The following CACNA2D4 variants were observed in gnomAD, a reference collection of about 807,000 sequenced individuals.
CACNA2D4 encodes voltage-dependent calcium channel subunit alpha-2/delta-4.
Under a neutral mutation model 163.8 loss-of-function variants are expected in CACNA2D4, and 157 were observed. The observed-to-expected ratio is 0.96, with a 90% CI of 0.84 to 1.09. The LOEUF is 1.09. Among genes scored for constraint, CACNA2D4 ranks in the 50% least tolerant of loss-of-function variants. The probability of loss-of-function intolerance (pLI) is 0.00; values close to 1 mark genes in which losing one functional copy is unlikely to be tolerated. For missense variants in CACNA2D4, 1,410 were observed against 1,479.9 expected, an observed-to-expected ratio of 0.95 and a Z score of 0.78; for synonymous variants, 598 against 586.9, an observed-to-expected ratio of 1.02 and a Z score of -0.27.
chr12:1,884,118 T>G lies in CACNA2D4; in HGVS notation c.1351+125A>C. 3 of 731,178 alleles carry G rather than the reference T, an allele frequency of 4.1e-6. No individual in the cohort carries two copies. The South Asian group carries it at 5.4e-5, about 13-fold the overall frequency. 45.3% of individuals were successfully genotyped at this position (731,178 alleles called of 1,614,324 possible). A position where few individuals can be genotyped will look rare whatever the true frequency, so the allele number is the denominator to read the frequency against. On this transcript the variant is annotated intron_variant, in intron 12 of 37. Transcript: ENST00000382722. The stretch of plus-strand genomic sequence containing the variant: ...GAAGGAGGGACTGAGGCTGCTGTTC[T>G]TGACATAGCACTGCTCCTCTTAGGG...
In CACNA2D4 at chr12:1,899,667, A is replaced by G. The variant is rs373292482; in HGVS notation, c.781+7773T>C. ...CTTCCCATAAGAAAACATCAGGCCT[A>G]TATGCTTTATAGATGAAATCTATCA... On this transcript the variant is annotated intron_variant, in intron 6 of 37. Transcript: ENST00000382722. Among the ~76,000 whole-genome samples the G allele has an allele frequency of 2.9e-4, 44 of 152,296 alleles. No individual in the cohort carries two copies. The South Asian group carries it at 8.9e-3, about 31-fold the overall frequency.
rs1383440996 is a variant in CACNA2D4, at chr12:1,811,852, A to C, written c.2552-129T>G. 4 of 807,132 alleles carry C rather than the reference A, an allele frequency of 5.0e-6. No homozygotes were observed. In the African/African-American group the frequency reaches 5.2e-5, roughly 11 times the overall value. The allele number at this position is 807,132 out of a possible 1,614,324, so 50.0% of individuals were successfully genotyped here. On this transcript the variant is annotated intron_variant, in intron 26 of 37. Transcript: ENST00000382722. ...GAGACCGCAGCGGATGGGAGGACTGAGTCAGAGGGCAGAGTGCAAACTGGG... is the reference window on the plus strand; with the variant it reads ...GAGACCGCAGCGGATGGGAGGACTGCGTCAGAGGGCAGAGTGCAAACTGGG...
intron 32 of CACNA2D4, 126 bp downstream of exon 32, chr12:1,800,260 C>T: frequency 2.7e-6 from 3 of 1,111,652 alleles, no homozygotes; most frequent in Non-Finnish European, 4.0e-6. Context: ...GGATTGTGCC[C>T]TCCTTCCCCG....
intron 2 of CACNA2D4, among the ~76,000 whole-genome samples, chr12:1,914,366 C>T (rs924089924): frequency 1.3e-5 from 2 of 152,156 alleles, no homozygotes; most frequent in African/African-American, 4.8e-5. Context: ...GAAAGCAATG[C>T]ATATTAAGGG....
chr12:1,858,313 C>T (rs1005389539), intron 20 of CACNA2D4, among the ~76,000 whole-genome samples: 3 of 152,220 alleles, frequency 2.0e-5, no homozygotes, highest in African/African-American at 7.2e-5. Context: ...TCTAGTCCAG[C>T]AAGGCCTCCC....
chr12:1,887,356 G>A (rs2154449873), intron 6 of CACNA2D4, among the ~76,000 whole-genome samples: 1 of 152,348 alleles, frequency 6.6e-6, no homozygotes, highest in Middle Eastern at 3.4e-3. Context: ...ATCAAATAGT[G>A]GAGGGGGAAG....
intron 31 of CACNA2D4, 198 bp downstream of exon 31, chr12:1,800,845 C>T (rs1042944459): frequency 1.7e-6 from 1 of 605,770 alleles, no homozygotes. Context: ...CCCTCTGAAG[C>T]CCCAAAGCCA....
chr12:1,837,967 C>T (rs139269038), intron 26 of CACNA2D4, among the ~76,000 whole-genome samples: 29 of 152,306 alleles, frequency 1.9e-4, no homozygotes, highest in South Asian at 6.2e-4. Context: ...CAGCCCTGGC[C>T]GGCAGGAAGG....
chr12:1,814,344 A>G (rs1031245271), intron 26 of CACNA2D4, among the ~76,000 whole-genome samples: 1 of 152,190 alleles, frequency 6.6e-6, no homozygotes, highest in Non-Finnish European at 1.5e-5. Context: ...GTTCCATTCC[A>G]GGCTCCTCCA....
rs1445621310 is a variant in CACNA2D4 at position 1,886,232 on chromosome 12, A to G, written c.984T>C (p.Asn328=). The change falls in exon 8 of 38, where the codon AAT becomes AAC. Residue 328 remains asparagine, a synonymous_variant. Coordinates refer to ENST00000382722, the MANE Select transcript of CACNA2D4 (RefSeq NM_172364.5). ...LDTLGENDFI[N]IIAYNDYVHY... Reference sequence around the variant, plus strand: ...AGGAAGGCACATTTACCGCTATGATATTAATGAAGTCATTCTCCCCCAGGG... The same window carrying G: ...AGGAAGGCACATTTACCGCTATGATGTTAATGAAGTCATTCTCCCCCAGGG... 6.2e-7 allele frequency: 1 copy of G among 1,612,986 alleles called. No individual in the cohort carries two copies. The highest frequency in any genetic ancestry group is 1.7e-5 in the Admixed American group (1 of 60,018).
chr12:1,831,009 C>CGCA, intron 26 of CACNA2D4: 1 of 1,614,022 alleles, frequency 6.2e-7, no homozygotes, highest in Non-Finnish European at 8.5e-7. Flanking sequence ...GTGTGACAGC[C>CGCA]GCAGCCTGGA....
intron 6 of CACNA2D4, among the ~76,000 whole-genome samples, chr12:1,888,685 A>C (rs894014282): frequency 5.3e-5 from 8 of 152,244 alleles, no homozygotes; most frequent in African/African-American, 1.9e-4. Context: ...ATGGGTAAAA[A>C]GAAAATGCAT....
chr12:1,853,132 A>G (rs1865321594), intron 23 of CACNA2D4, among the ~76,000 whole-genome samples: 1 of 152,204 alleles, frequency 6.6e-6, no homozygotes, highest in Admixed American at 6.5e-5. Context: ...TTCCAACCAG[A>G]AACAGCTAAT....
Position 1,834,491 on chromosome 12 carries a change from C to T in CACNA2D4, c.2551+6248G>A. On this transcript the variant is annotated intron_variant, in intron 26 of 37. Transcript: ENST00000382722. This position sits in a 1 kb window ranked among gnomAD's most constrained non-coding sequence, Gnocchi z 7.6. ...GCCGGAGCCCAGCACAGCCTGCCCA[C>T]AGAAGCAGAGGCACCGGCCGGCGAG... is the stretch of plus-strand genomic sequence containing the variant. 6.2e-7 allele frequency: 1 copy of T among 1,609,508 alleles called. No individual in the cohort carries two copies. The highest frequency in any genetic ancestry group is 8.5e-7 in the Non-Finnish European group (1 of 1,179,880).
chr12:1,874,548 C>T lies in CACNA2D4; in HGVS notation c.1878+56G>A, dbSNP rs1036781764. The T allele has an allele frequency of 1.6e-6, 2 of 1,256,928 alleles. No homozygotes were observed. Among genetic ancestry groups the T allele is most frequent in the Admixed American group, 3.4e-5 (2 of 58,810 alleles). The allele number at this position is 1,256,928 out of a possible 1,614,324, so 77.9% of individuals were successfully genotyped here. A position where few individuals can be genotyped will look rare whatever the true frequency, so the allele number is the denominator to read the frequency against. On this transcript the variant is annotated intron_variant, in intron 18 of 37. Transcript: ENST00000382722. The surrounding 1 kb of genome is among the most constrained non-coding windows in gnomAD (Gnocchi z 4.4). The stretch of plus-strand genomic sequence containing the variant: ...CCAGGTCCCTCGTCACTACTCCAAA[C>T]CCAATTAATGAAGATGCCTTCCTAG...
intron 2 of CACNA2D4, 95 bp downstream of exon 2, chr12:1,914,759 G>T: frequency 2.5e-6 from 2 of 789,586 alleles, no homozygotes; most frequent in South Asian, 1.5e-5. Flanking sequence ...GATTTGATGG[G>T]ATGCCCAAGG....
intron 31 of CACNA2D4, 177 bp downstream of exon 31, chr12:1,800,866 C>T: frequency 1.6e-6 from 1 of 621,828 alleles, no homozygotes; most frequent in East Asian, 2.7e-5. Context: ...GACCCAGAGG[C>T]CTGCCTGGGA....
chr12:1,815,671 C>T lies in CACNA2D4; in HGVS notation c.2552-3948G>A, dbSNP rs141642344. On this transcript the variant is annotated intron_variant, in intron 26 of 37. Transcript: ENST00000382722. ...GTAAGCAAATTCAATTTGAGCCAGC[C>T]ACTTGACGGGGAAGCCGAATTCTAC... Among the ~76,000 whole-genome samples, 248 of 152,182 alleles carry T rather than the reference C, an allele frequency of 1.6e-3. 3 individuals are homozygous for T. The highest frequency in any genetic ancestry group is 3.0e-3 in the Non-Finnish European group (201 of 68,032).
At position 1,831,554 on chromosome 12, in the gene CACNA2D4, G is replaced by A. The variant is rs199876665; in HGVS notation, c.2551+9185C>T. 757 of 1,568,234 alleles carry A rather than the reference G, an allele frequency of 4.8e-4. 2 individuals are homozygous for A. Among genetic ancestry groups the A allele is most frequent in the South Asian group, 5.8e-4 (51 of 87,774 alleles). ...AGCGCAGCCGGCCCTGCTGGGGCCC[G>A]AGGGATTGGGACGATCACCTCTGGC... On this transcript the variant is annotated intron_variant, in intron 26 of 37. Coordinates refer to ENST00000382722, the MANE Select transcript of CACNA2D4 (RefSeq NM_172364.5).
Sources: allele counts gnomAD v4.1 joint callset (sites outside exome capture counted in the v4.1 genomes callset), GRCh38; gene constraint gnomAD v4.1.1; non-coding constraint Gnocchi (gnomAD v3.1); transcripts MANE v1.5; gene names NCBI Gene and HGNC (gene_info 2026-07-23, HGNC 2026-07-21).